MAGI2: variants seen among roughly 807,000 people sequenced by gnomAD.
MAGI2 encodes the protein membrane associated guanylate kinase, WW and PDZ domain containing 2, also known as membrane-associated guanylate kinase, WW and PDZ domain-containing protein 2.
MAGI2 carries 35 observed loss-of-function variants against 133.3 expected under a neutral mutation model. The observed-to-expected ratio is 0.26, with a 90% confidence interval of 0.20 to 0.35. The LOEUF (loss-of-function observed/expected upper bound fraction) is 0.35, where lower values mean the gene tolerates loss of function less well. MAGI2 is among the 10% of genes least tolerant of loss of function. The probability of loss-of-function intolerance (pLI) is 1.00; values close to 1 mark genes in which losing one functional copy is unlikely to be tolerated. For missense variants in MAGI2, 1,636 were observed against 1,863.4 expected (o/e 0.88, Z 2.25); for synonymous variants, 729 against 710.6 (o/e 1.03, Z -0.41).
intron 2 of MAGI2, among the ~76,000 whole-genome samples, chr7:78,916,579 G>GAA (rs1488162303): frequency 2.6e-5 from 4 of 152,070 alleles, no homozygotes; most frequent in African/African-American, 9.7e-5. Context: ...CAGAGGAGGG[G>GAA]ATGCACAAAA....
intron 2 of MAGI2, among the ~76,000 whole-genome samples, chr7:78,919,765 T>A (rs933180451): frequency 2.6e-5 from 4 of 152,150 alleles, no homozygotes; most frequent in Non-Finnish European, 2.9e-5. Flanking sequence ...ACAGACCTAT[T>A]AATTGTATGC....
chr7:78,495,971 G>A (rs554389288), intron 5 of MAGI2, among the ~76,000 whole-genome samples: 3 of 152,246 alleles, frequency 2.0e-5, no homozygotes, highest in Middle Eastern at 3.4e-3. Flanking sequence ...TGACTAGTAC[G>A]ATATGTCAAG....
chr7:78,711,997 G>C (rs1253219635), intron 2 of MAGI2, among the ~76,000 whole-genome samples: 1 of 152,120 alleles, frequency 6.6e-6, no homozygotes, highest in Non-Finnish European at 1.5e-5. Flanking sequence ...TTTAGAAATT[G>C]CATGTTTGAG....
intron 2 of MAGI2, among the ~76,000 whole-genome samples, chr7:78,776,239 C>T (rs1412286748): frequency 1.3e-5 from 2 of 152,208 alleles, no homozygotes; most frequent in African/African-American, 4.8e-5. Context: ...CTCAATGACA[C>T]TTTCCTTGTC....
At chr7:78,508,386 T>C (rs1344529925) in intron 4 of MAGI2, among the ~76,000 whole-genome samples, 1 of 152,198 alleles carries the variant, frequency 6.6e-6, no homozygotes, top group Non-Finnish European at 1.5e-5. Context: ...TCATGCTATA[T>C]CATATTTGTT....
At chr7:79,260,363 AATAC>A (rs61427819) in intron 1 of MAGI2, among the ~76,000 whole-genome samples, 27,926 of 148,898 alleles carry the variant, frequency 0.19, 2,645 homozygotes, top group Middle Eastern at 0.22. Flanking sequence ...TCTCTAAGTA[AATAC>A]ATACATACAT....
chr7:78,227,850 T>TTGTGTGTGTGTGTGTGTGTGTGTGTGTG (rs3085614), intron 10 of MAGI2, among the ~76,000 whole-genome samples: 8 of 145,544 alleles, frequency 5.5e-5, no homozygotes, highest in Admixed American at 2.1e-4. Context: ...TCTTACTCAG[T>TTGTGTGTGTGTGTGTGTGTGTGTGTGTG]TGTGTGTGTG....
chr7:78,671,516 T>C (rs977918645), intron 2 of MAGI2, among the ~76,000 whole-genome samples: 2 of 152,166 alleles, frequency 1.3e-5, no homozygotes, highest in African/African-American at 4.8e-5. Context: ...AACAAACCTG[T>C]TATTTGCTGC....
chr7:78,200,890 A>G (rs1333474348), intron 11 of MAGI2, among the ~76,000 whole-genome samples: 1 of 152,104 alleles, frequency 6.6e-6, no homozygotes, highest in Admixed American at 6.5e-5. Flanking sequence ...TTTCTAAAGT[A>G]TTTTCATTAC....
chr7:78,921,162 ACT>A lies in MAGI2; in HGVS notation c.418+85926_418+85927del, dbSNP rs1190667565. ...CTGTCTCTTTAGTCCCTCTTCCTCC[ACT>A]CTCTCTCTGGGGAAGTGGAGGATCA... On this transcript the variant is annotated intron_variant, in intron 2 of 21. Transcript: ENST00000354212. Among the ~76,000 whole-genome samples, 4 of 151,736 alleles carry A rather than the reference ACT, an allele frequency of 2.6e-5. No homozygotes were observed. The East Asian group carries it at 7.8e-4, about 30-fold the overall frequency.
chr7:78,076,574 C>T (rs371156162), intron 21 of MAGI2, among the ~76,000 whole-genome samples: 12 of 151,662 alleles, frequency 7.9e-5, no homozygotes, highest in East Asian at 7.8e-4. Flanking sequence ...AGGCCGGGCG[C>T]GGTGGCTCAC....
chr7:78,471,308 T>C (rs1222976580), intron 6 of MAGI2, among the ~76,000 whole-genome samples: 1 of 152,138 alleles, frequency 6.6e-6, no homozygotes, highest in Non-Finnish European at 1.5e-5. Context: ...GATTTAATTT[T>C]CAATGCCTTC....
At chr7:78,428,319 C>T (rs1005461589) in intron 6 of MAGI2, among the ~76,000 whole-genome samples, 2 of 152,046 alleles carry the variant, frequency 1.3e-5, no homozygotes, top group African/African-American at 2.4e-5. Flanking sequence ...TGAAAACACA[C>T]TTTTAAAAAG....
intron 10 of MAGI2, among the ~76,000 whole-genome samples, chr7:78,204,819 A>C (rs1251837071): frequency 6.6e-6 from 1 of 152,232 alleles, no homozygotes; most frequent in African/African-American, 2.4e-5. Context: ...ACAAAAGAGA[A>C]TAAATGGAAA....
intron 1 of MAGI2, among the ~76,000 whole-genome samples, chr7:79,325,181 C>A (rs1018408835): frequency 6.6e-6 from 1 of 152,120 alleles, no homozygotes; most frequent in Non-Finnish European, 1.5e-5. Flanking sequence ...ATCCAACATC[C>A]TTGACCATCC....
intron 1 of MAGI2, among the ~76,000 whole-genome samples, chr7:79,198,072 C>A (rs746913206): frequency 2.0e-5 from 3 of 151,566 alleles, no homozygotes; most frequent in African/African-American, 7.3e-5. Context: ...TATAGTGAGA[C>A]CCCGATTCTA....
At chr7:78,926,156 A>G (rs1397754498) in intron 2 of MAGI2, among the ~76,000 whole-genome samples, 3 of 151,958 alleles carry the variant, frequency 2.0e-5, no homozygotes, top group Non-Finnish European at 4.4e-5. Flanking sequence ...CTCTCACTCC[A>G]TTAATCCTTT....
chr7:78,810,406 G>T, intron 2 of MAGI2, among the ~76,000 whole-genome samples: 1 of 152,082 alleles, frequency 6.6e-6, no homozygotes, highest in Non-Finnish European at 1.5e-5. Flanking sequence ...AAATTCACTT[G>T]CCAAAGTATA....
chr7:78,653,734 C>T (rs1490913286), intron 2 of MAGI2, among the ~76,000 whole-genome samples: 1 of 149,122 alleles, frequency 6.7e-6, no homozygotes, highest in East Asian at 2.0e-4. Flanking sequence ...ATGTAATAAA[C>T]CTGCATGTTC....
Sources: allele counts gnomAD v4.1 joint callset (sites outside exome capture counted in the v4.1 genomes callset), GRCh38; gene constraint gnomAD v4.1.1; transcripts MANE v1.5; gene names NCBI Gene and HGNC (gene_info 2026-07-23, HGNC 2026-07-21).